The following ANO6 variants were observed in gnomAD, a reference collection of about 807,000 sequenced individuals.
ANO6 encodes anoctamin-6.
In ANO6, 106 loss-of-function variants were observed where a neutral mutation model predicts 117.5. The observed-to-expected ratio is 0.90, with a 90% CI of 0.77 to 1.06. ANO6 has a LOEUF of 1.06. Among genes scored for constraint, ANO6 ranks in the 50% least tolerant of loss-of-function variants. ANO6 has a pLI of 0.00. For missense variants in ANO6, 955 were observed against 1,121.1 expected, an observed-to-expected ratio of 0.85 and a Z score of 2.12; for synonymous variants, 367 against 385.1, an observed-to-expected ratio of 0.95 and a Z score of 0.55.
At chr12:45,386,509 GTCATACCTGCA>G (rs1942302803) in intron 10 of ANO6, among the ~76,000 whole-genome samples, 1 of 152,042 alleles carries the variant, frequency 6.6e-6, no homozygotes, top group Non-Finnish European at 1.5e-5. Flanking sequence ...GCATCCATCT[GTCATACCTGCA>G]TCCATCCGTC....
chr12:45,221,062 G>GT (rs1555156324), intron 1 of ANO6, among the ~76,000 whole-genome samples: 7 of 148,502 alleles, frequency 4.7e-5, no homozygotes, highest in African/African-American at 1.2e-4. Flanking sequence ...TCGGAAGTGG[G>GT]GGGGGGCAGC....
At chr12:45,329,989 A>G (rs1440766743) in intron 2 of ANO6, among the ~76,000 whole-genome samples, 1 of 152,164 alleles carries the variant, frequency 6.6e-6, no homozygotes, top group Admixed American at 6.6e-5. Flanking sequence ...TATCAGCCTA[A>G]GACATGGATG....
intron 2 of ANO6, among the ~76,000 whole-genome samples, chr12:45,322,642 G>GT (rs1940318525): frequency 6.6e-6 from 1 of 152,076 alleles, no homozygotes; most frequent in Admixed American, 6.6e-5. Flanking sequence ...GTTGTTAATT[G>GT]TAACCTCATT....
At chr12:45,369,007 G>A (rs2137511295) in intron 9 of ANO6, among the ~76,000 whole-genome samples, 1 of 152,258 alleles carries the variant, frequency 6.6e-6, no homozygotes, top group Non-Finnish European at 1.5e-5. Context: ...TAAGAAATCT[G>A]CATTTCTTGT....
At chr12:45,293,740 T>TTTG (rs1354932398) in intron 1 of ANO6, among the ~76,000 whole-genome samples, 2 of 136,344 alleles carry the variant, frequency 1.5e-5, no homozygotes, top group Admixed American at 1.5e-4. Flanking sequence ...TTTTTTTTTT[T>TTTG]TTTTTTTTTT....
chr12:45,291,400 G>A (rs1032263042), intron 1 of ANO6, among the ~76,000 whole-genome samples: 11 of 149,948 alleles, frequency 7.3e-5, no homozygotes, highest in African/African-American at 2.7e-4. Flanking sequence ...ACCTGGATTT[G>A]GCAGTAGATT....
Position 45,403,193 on chromosome 12 carries a change from C to T in ANO6, c.1734C>T (p.Gly578=), listed in dbSNP as rs1302967120. ...CATTCTTTAAGGGCAAATTTGTAGG[C>T]TATCCAGGAGACCCAGTTTATTGGT... ...YIAFFKGKFV[G]YPGDPVYWLG... The change falls in exon 14 of 20, where the codon GGC becomes GGT. Residue 578 remains glycine (G), a synonymous_variant. Transcript: ENST00000320560. 4 of 1,613,796 alleles carry T rather than the reference C, an allele frequency of 2.5e-6. No individual in the cohort carries two copies. Among genetic ancestry groups the T allele is most frequent in the Non-Finnish European group, 3.4e-6 (4 of 1,179,924 alleles).
intron 1 of ANO6, among the ~76,000 whole-genome samples, chr12:45,266,553 G>C (rs1218189782): frequency 6.6e-6 from 1 of 152,014 alleles, no homozygotes; most frequent in Non-Finnish European, 1.5e-5. Flanking sequence ...TCAGCCTTTT[G>C]ACTATAAGCC....
At chr12:45,305,382 A>G (rs1939635324) in intron 2 of ANO6, among the ~76,000 whole-genome samples, 1 of 152,162 alleles carries the variant, frequency 6.6e-6, no homozygotes, top group South Asian at 2.1e-4. Context: ...TTTATCTTGA[A>G]CGTTTTCCCA....
At chr12:45,332,483 G>A (rs1298916541) in intron 3 of ANO6, among the ~76,000 whole-genome samples, 1 of 151,918 alleles carries the variant, frequency 6.6e-6, no homozygotes, top group Non-Finnish European at 1.5e-5. Flanking sequence ...TTTCAGAGGG[G>A]GTTAAGTTTG....
chr12:45,404,037 G>A (rs1482029948), intron 15 of ANO6, among the ~76,000 whole-genome samples: 1 of 151,912 alleles, frequency 6.6e-6, no homozygotes, highest in Non-Finnish European at 1.5e-5. Flanking sequence ...GAAGATCTGT[G>A]GTTTAAAGAG....
intron 19 of ANO6, among the ~76,000 whole-genome samples, chr12:45,423,524 G>T (rs1943418794): frequency 6.6e-6 from 1 of 152,180 alleles, no homozygotes; most frequent in Non-Finnish European, 1.5e-5. Context: ...AAATTACAAA[G>T]TATCAGAGTT....
chr12:45,252,142 CAATA>C (rs1168333152), intron 1 of ANO6, among the ~76,000 whole-genome samples: 1 of 152,104 alleles, frequency 6.6e-6, no homozygotes, highest in Admixed American at 6.5e-5. Flanking sequence ...ATTTCATTTC[CAATA>C]AATAGTTATT....
chr12:45,381,470 C>T (rs1312580299), intron 10 of ANO6, among the ~76,000 whole-genome samples: 1 of 152,160 alleles, frequency 6.6e-6, no homozygotes, highest in African/African-American at 2.4e-5. Context: ...CACGGTCACC[C>T]CAGGGCTTGG....
At chr12:45,240,351 A>ATTTTTTTTTTTTTTTT (rs57126852) in intron 1 of ANO6, among the ~76,000 whole-genome samples, 1 of 30,738 alleles carries the variant, frequency 3.3e-5, no homozygotes, top group African/African-American at 7.2e-5. Context: ...GCAACCCCTG[A>ATTTTTTTTTTTTTTTT]TTTTTTTTTT....
chr12:45,368,512 A>G (rs897597409), intron 9 of ANO6, among the ~76,000 whole-genome samples: 1 of 152,226 alleles, frequency 6.6e-6, no homozygotes, highest in Admixed American at 6.5e-5. Context: ...AAACACATCT[A>G]GCTCTCCTTA....
intron 1 of ANO6, among the ~76,000 whole-genome samples, chr12:45,262,158 T>G (rs1484308719): frequency 6.6e-6 from 1 of 152,140 alleles, no homozygotes; most frequent in Non-Finnish European, 1.5e-5. Flanking sequence ...ACACTACCCC[T>G]CAAAGATAAA....
intron 19 of ANO6, among the ~76,000 whole-genome samples, chr12:45,428,891 A>G (rs1440347266): frequency 6.6e-6 from 1 of 152,128 alleles, no homozygotes; most frequent in Non-Finnish European, 1.5e-5. Context: ...ATACTTTTCT[A>G]CATATCACAT....
intron 1 of ANO6, among the ~76,000 whole-genome samples, chr12:45,255,220 C>T (rs1213593865): frequency 2.6e-5 from 4 of 152,160 alleles, no homozygotes; most frequent in Non-Finnish European, 4.4e-5. Flanking sequence ...ATCTTGGTCA[C>T]CTTTAAATAC....
Sources: allele counts gnomAD v4.1 joint callset (sites outside exome capture counted in the v4.1 genomes callset), GRCh38; gene constraint gnomAD v4.1.1; transcripts MANE v1.5; gene names NCBI Gene and HGNC (gene_info 2026-07-23, HGNC 2026-07-21).